The following RUFY3 variants were observed in gnomAD, a reference collection of about 807,000 sequenced individuals.
RUFY3 encodes RUN and FYVE domain containing 3.
RUFY3 carries 34 observed loss-of-function variants against 84.0 expected under a neutral mutation model. That is an observed-to-expected ratio of 0.40 (90% CI 0.31 to 0.54). The LOEUF (loss-of-function observed/expected upper bound fraction) is 0.54. Among genes scored for constraint, RUFY3 ranks in the 20% least tolerant of loss-of-function variants. The pLI, the probability that RUFY3 is intolerant of heterozygous loss-of-function variation, is 0.39. For synonymous variants in RUFY3, 242 were observed against 252.9 expected (o/e 0.96, Z 0.41); for missense variants, 507 against 736.8 (o/e 0.69, Z 3.61).
At chr4:70,723,066 A>G (rs908851916) in intron 1 of RUFY3, among the ~76,000 whole-genome samples, 11 of 152,136 alleles carry the variant, frequency 7.2e-5, no homozygotes, top group African/African-American at 2.4e-4. Context: ...GAAAGCTATT[A>G]ATTTTGTTCA....
chr4:70,714,068 C>A (rs150040196), intron 1 of RUFY3, among the ~76,000 whole-genome samples: 1 of 152,132 alleles, frequency 6.6e-6, no homozygotes, highest in African/African-American at 2.4e-5. Context: ...ATTATTATCC[C>A]CATTTTGTTA....
upstream of RUFY3, chr4:70,703,902 T>G (rs756630036): frequency 1.3e-5 from 2 of 152,244 alleles, no homozygotes; most frequent in Non-Finnish European, 2.9e-5. Flanking sequence ...CAACATGGCT[T>G]CTATGCCAGC....
chr4:70,808,026 T>C lies in RUFY3; in HGVS notation c.*1367T>C, dbSNP rs560573057. 1.3e-5 allele frequency among the ~76,000 whole-genome samples: 2 copies of C among 152,270 alleles called. No individual in the cohort carries two copies. Among genetic ancestry groups the C allele is most frequent in the African/African-American group, 2.4e-5 (1 of 41,546 alleles). ...GTCCCATTATAGAGAATGGGTTATA[T>C]GGTATTTGCATATAACCTACATACA... On this transcript the variant is annotated 3_prime_UTR_variant, in exon 18 of 18. Transcript: ENST00000381006.
At position 70,783,177 on chromosome 4, in the gene RUFY3, T is replaced by C; in HGVS notation, c.981T>C (p.Asn327=). The C allele has an allele frequency of 1.3e-6, 2 of 1,579,368 alleles. No homozygotes were observed. Among genetic ancestry groups the C allele is most frequent in the African/African-American group, 2.7e-5 (2 of 74,188 alleles). ...AAAGTTCCTACATACTGGAATCCAA[T>C]CGGAAGGTTAATCTTACTGGATTTA... ...KEESSYILES[N]RKGPKQDRTA... The change falls in exon 9 of 18, where the codon AAT becomes AAC. Residue 327 remains asparagine (N), a synonymous_variant. Coordinates refer to ENST00000381006, the MANE Select transcript of RUFY3 (RefSeq NM_001037442.4).
intron 1 of RUFY3, among the ~76,000 whole-genome samples, chr4:70,737,676 CT>C (rs57075760): frequency 0.054 from 7,224 of 134,368 alleles, 166 homozygotes; most frequent in South Asian, 0.066. Context: ...ATTAATTCCT[CT>C]TTTTTTTTTT....
intron 1 of RUFY3, chr4:70,741,647 G>T: frequency 6.6e-7 from 1 of 1,523,186 alleles, no homozygotes; most frequent in Non-Finnish European, 8.8e-7. Flanking sequence ...GGATTTGACA[G>T]ATTTGGTGGA....
intron 12 of RUFY3, chr4:70,793,313 C>A: frequency 1.0e-6 from 1 of 1,000,516 alleles, no homozygotes; most frequent in Non-Finnish European, 1.2e-6. Flanking sequence ...GGGGAAAGGA[C>A]AAGAAAAAAC....
chr4:70,773,672 C>A, intron 6 of RUFY3, 100 bp downstream of exon 6: 2 of 739,802 alleles, frequency 2.7e-6, no homozygotes, highest in Non-Finnish European at 4.6e-6. Flanking sequence ...AACAGACGTG[C>A]TGAAAGAATT....
chr4:70,800,514 A>G (rs1365698207), intron 15 of RUFY3, among the ~76,000 whole-genome samples: 1 of 152,232 alleles, frequency 6.6e-6, no homozygotes, highest in African/African-American at 2.4e-5. Context: ...CAGGAAAATA[A>G]AGTATAAGTC....
intron 1 of RUFY3, among the ~76,000 whole-genome samples, chr4:70,758,989 G>T (rs1724523658): frequency 6.6e-6 from 1 of 151,776 alleles, no homozygotes; most frequent in African/African-American, 2.4e-5. Flanking sequence ...AGTGAGCCGA[G>T]ATCGTGCCAC....
At chr4:70,763,714 T>C in intron 3 of RUFY3, 45 bp downstream of exon 3, 1 of 1,589,652 alleles carries the variant, frequency 6.3e-7, no homozygotes, top group Non-Finnish European at 8.5e-7. Flanking sequence ...AGCATTCTTA[T>C]TAACTATCCC....
upstream of RUFY3, chr4:70,703,995 A>G (rs1474213794): frequency 6.6e-6 from 1 of 152,236 alleles, no homozygotes; most frequent in Non-Finnish European, 1.5e-5. Context: ...GCCGAAAGAA[A>G]TGTTTACTTA....
chr4:70,788,337 A>G (rs1038351561), intron 10 of RUFY3, among the ~76,000 whole-genome samples: 1 of 151,722 alleles, frequency 6.6e-6, no homozygotes, highest in Non-Finnish European at 1.5e-5. Context: ...CATCATCCTC[A>G]GTAATTGCGA....
intron 1 of RUFY3, among the ~76,000 whole-genome samples, chr4:70,706,668 C>G (rs1740372450): frequency 6.6e-6 from 1 of 152,148 alleles, no homozygotes; most frequent in Admixed American, 6.5e-5. Context: ...GTGTTCACAC[C>G]TCCTTATTAC....
chr4:70,756,253 ATTAT>A (rs1055968447), intron 1 of RUFY3, among the ~76,000 whole-genome samples: 1 of 151,512 alleles, frequency 6.6e-6, no homozygotes, highest in Non-Finnish European at 1.5e-5. Flanking sequence ...TCTACCCTTT[ATTAT>A]TTATTTTCCT....
chr4:70,730,280 G>A (rs559577743), intron 1 of RUFY3, among the ~76,000 whole-genome samples: 4 of 152,192 alleles, frequency 2.6e-5, no homozygotes, highest in African/African-American at 9.6e-5. Flanking sequence ...ACATTGAGAG[G>A]TGATGCACAG....
intron 7 of RUFY3, among the ~76,000 whole-genome samples, chr4:70,777,967 C>T (rs1487165852): frequency 6.6e-6 from 1 of 152,196 alleles, no homozygotes; most frequent in Non-Finnish European, 1.5e-5. Flanking sequence ...CGCAGTGGCT[C>T]ATGCCTGTAA....
At chr4:70,743,082 A>G (rs1281803477) in intron 1 of RUFY3, among the ~76,000 whole-genome samples, 1 of 151,826 alleles carries the variant, frequency 6.6e-6, no homozygotes, top group East Asian at 1.9e-4. Flanking sequence ...TTATTTATTT[A>G]TTTTGAAATG....
intron 1 of RUFY3, among the ~76,000 whole-genome samples, chr4:70,713,511 A>G (rs1359553651): frequency 6.6e-6 from 1 of 151,496 alleles, no homozygotes; most frequent in African/African-American, 2.4e-5. Flanking sequence ...CATGCTCCCT[A>G]CCGACCGGAC....
Sources: allele counts gnomAD v4.1 joint callset (sites outside exome capture counted in the v4.1 genomes callset), GRCh38; gene constraint gnomAD v4.1.1; transcripts MANE v1.5; gene names NCBI Gene and HGNC (gene_info 2026-07-23, HGNC 2026-07-21).